The following TMEM266 variants were observed in gnomAD, a reference collection of about 807,000 sequenced individuals.
TMEM266 encodes Hv1 related protein 1.
In TMEM266, 33 loss-of-function variants were observed where a neutral mutation model predicts 50.5. That is an observed-to-expected ratio of 0.65 (90% CI 0.50 to 0.87). The LOEUF is 0.87. Among genes scored for constraint, TMEM266 ranks in the 40% least tolerant of loss-of-function variants. The probability of loss-of-function intolerance (pLI) is 0.00; values close to 1 mark genes in which losing one functional copy is unlikely to be tolerated. For synonymous variants in TMEM266, 310 were observed against 292.3 expected (o/e 1.06, Z -0.62); for missense variants, 655 against 695.1 (o/e 0.94, Z 0.65).
At chr15:76,180,271 G>T (rs183533147) in intron 8 of TMEM266, among the ~76,000 whole-genome samples, 1 of 152,080 alleles carries the variant, frequency 6.6e-6, no homozygotes, top group Non-Finnish European at 1.5e-5. Flanking sequence ...TTTGCTCCAC[G>T]TCGCATTCAG....
intron 1 of TMEM266, among the ~76,000 whole-genome samples, chr15:76,060,420 G>T (rs2036278039): frequency 6.6e-6 from 1 of 152,066 alleles, no homozygotes; most frequent in African/African-American, 2.4e-5. Context: ...GCCTATTTTC[G>T]GTTTTCAGAC....
At chr15:76,202,678 TGCACTTGAAAAAAACC>T (rs919461279) in intron 10 of TMEM266, among the ~76,000 whole-genome samples, 2 of 152,124 alleles carry the variant, frequency 1.3e-5, no homozygotes, top group Non-Finnish European at 2.9e-5. Flanking sequence ...TGGATGTTCT[TGCACTTGAAAAAAACC>T]TCAGGGAAGC....
chr15:76,085,023 G>A (rs1370996601), intron 1 of TMEM266, among the ~76,000 whole-genome samples: 2 of 150,162 alleles, frequency 1.3e-5, no homozygotes, highest in East Asian at 3.9e-4. Context: ...GCAGTGGCGC[G>A]ATCTCGGCTC....
rs190743676 is a variant in TMEM266, at chr15:76,163,805, G to A, written c.456+3637G>A. On this transcript the variant is annotated intron_variant, in intron 5 of 10. Transcript: ENST00000388942. The stretch of plus-strand genomic sequence containing the variant: ...CCCTGGGAGAAGAGAAAGCGGAGCC[G>A]CGGCTGGCCTTCTAGACAGGAGCCT... Among the ~76,000 whole-genome samples the A allele has an allele frequency of 7.9e-5, 12 of 152,362 alleles. No homozygotes were observed. The East Asian group carries it at 1.3e-3, about 17-fold the overall frequency.
At chr15:76,182,574 G>C (rs556527102) in intron 8 of TMEM266, among the ~76,000 whole-genome samples, 10 of 152,058 alleles carry the variant, frequency 6.6e-5, no homozygotes, top group Admixed American at 4.6e-4. Flanking sequence ...AACCTGGGAG[G>C]CAGAGCTTAA....
At chr15:76,070,924 C>G (rs939643656) in intron 1 of TMEM266, among the ~76,000 whole-genome samples, 1 of 152,068 alleles carries the variant, frequency 6.6e-6, no homozygotes, top group Non-Finnish European at 1.5e-5. Flanking sequence ...AGCCTGAGGC[C>G]CAGAAAGAGG....
intron 1 of TMEM266, among the ~76,000 whole-genome samples, chr15:76,097,472 A>G (rs1393777186): frequency 6.6e-6 from 1 of 151,990 alleles, no homozygotes; most frequent in African/African-American, 2.4e-5. Flanking sequence ...GGGTTTCTGC[A>G]GAGAGATCTG....
chr15:76,067,036 C>T (rs1028829732), intron 1 of TMEM266, among the ~76,000 whole-genome samples: 4 of 152,062 alleles, frequency 2.6e-5, no homozygotes, highest in Admixed American at 2.6e-4. Context: ...CCAAATGTCC[C>T]CTAGGGTGCA....
intron 3 of TMEM266, among the ~76,000 whole-genome samples, chr15:76,141,236 CT>C (rs34149031): frequency 0.19 from 25,687 of 137,788 alleles, 2,351 homozygotes; most frequent in African/African-American, 0.28. Context: ...TCTCAGTATA[CT>C]TTTTTTTTTT....
Position 76,160,213 on chromosome 15 carries a change from C to T in TMEM266, c.456+45C>T. 16 of 1,564,942 alleles carry T rather than the reference C, an allele frequency of 1.0e-5. No individual in the cohort carries two copies. The highest frequency in any genetic ancestry group is 5.6e-5 in the South Asian group (5 of 89,808). On this transcript the variant is annotated intron_variant, in intron 5 of 10. Coordinates refer to ENST00000388942, the MANE Select transcript of TMEM266 (RefSeq NM_152335.3). The surrounding 1 kb of genome is among the most constrained non-coding windows in gnomAD (Gnocchi z 5.7). The stretch of plus-strand genomic sequence containing the variant: ...CTGTCACCTCCTCTGTTGGGTGACT[C>T]CTGTCCTGGGGAAACCAAGGTCTAC...
At chr15:76,133,092 G>A (rs1032662632) in intron 1 of TMEM266, among the ~76,000 whole-genome samples, 2 of 151,758 alleles carry the variant, frequency 1.3e-5, no homozygotes, top group Middle Eastern at 3.2e-3. Context: ...TCGCACCACT[G>A]TGCTCCAGCC....
chr15:76,180,698 C>G (rs1365136299), intron 8 of TMEM266, among the ~76,000 whole-genome samples: 1 of 150,112 alleles, frequency 6.7e-6, no homozygotes, highest in Non-Finnish European at 1.5e-5. Context: ...ACTGCAACCT[C>G]CACCTCCTGG....
chr15:76,199,359 A>G (rs932078206), intron 9 of TMEM266, among the ~76,000 whole-genome samples: 2 of 152,206 alleles, frequency 1.3e-5, no homozygotes, highest in Non-Finnish European at 2.9e-5. Context: ...ACACAGAGAA[A>G]GGAGAACGAT....
chr15:76,100,257 CTT>C (rs1175274203), intron 1 of TMEM266, among the ~76,000 whole-genome samples: 5 of 152,130 alleles, frequency 3.3e-5, no homozygotes, highest in Non-Finnish European at 7.3e-5. Flanking sequence ...GGGAGGAAAA[CTT>C]ATATTTTCTG....
intron 10 of TMEM266, 21 bp downstream of exon 10, chr15:76,202,285 T>TTCTA: frequency 6.2e-7 from 1 of 1,603,338 alleles, no homozygotes; most frequent in Non-Finnish European, 8.5e-7. Flanking sequence ...GTTGGGGCTG[T>TTCTA]TCTACATGTG....
chr15:76,075,633 G>A (rs1332818303), intron 1 of TMEM266, among the ~76,000 whole-genome samples: 1 of 151,802 alleles, frequency 6.6e-6, no homozygotes, highest in Non-Finnish European at 1.5e-5. Flanking sequence ...CTTTCTACAT[G>A]CTTCACACTT....
intron 1 of TMEM266, among the ~76,000 whole-genome samples, chr15:76,062,171 T>C (rs1052971882): frequency 6.6e-6 from 1 of 152,210 alleles, no homozygotes; most frequent in Admixed American, 6.5e-5. Context: ...TCAGGTCACA[T>C]AGTTGAGATA....
chr15:76,107,310 T>C (rs778475615), intron 1 of TMEM266, among the ~76,000 whole-genome samples: 2 of 152,220 alleles, frequency 1.3e-5, no homozygotes, highest in Non-Finnish European at 2.9e-5. Context: ...TCAGATGAGC[T>C]AGCTGCATTT....
intron 7 of TMEM266, 131 bp downstream of exon 7, chr15:76,171,262 AGAGGGGC>A: frequency 7.7e-7 from 1 of 1,294,260 alleles, no homozygotes; most frequent in Non-Finnish European, 1.0e-6. Context: ...GTCGGCAGGG[AGAGGGGC>A]CAGCTGTCCC....
Sources: allele counts gnomAD v4.1 joint callset (sites outside exome capture counted in the v4.1 genomes callset), GRCh38; gene constraint gnomAD v4.1.1; non-coding constraint Gnocchi (gnomAD v3.1); transcripts MANE v1.5; gene names NCBI Gene and HGNC (gene_info 2026-07-23, HGNC 2026-07-21).